The following FER variants were observed in gnomAD, a reference collection of about 807,000 sequenced individuals.
FER encodes the protein FER tyrosine kinase, also known as tyrosine-protein kinase Fer.
In FER, 63 loss-of-function variants were observed where a neutral mutation model predicts 111.0. That is an observed-to-expected ratio of 0.57 (90% CI 0.46 to 0.70). The LOEUF (loss-of-function observed/expected upper bound fraction) is 0.70, where lower values mean the gene tolerates loss of function less well. Ranked by LOEUF, FER falls within the 30% of genes least tolerant of loss-of-function variation. FER has a pLI of 0.00. For missense variants in FER, 914 were observed against 954.0 expected (o/e 0.96, Z 0.55); for synonymous variants, 327 against 313.9 (o/e 1.04, Z -0.44).
At chr5:109,095,394 G>A (rs1316686471) in intron 16 of FER, among the ~76,000 whole-genome samples, 1 of 151,974 alleles carries the variant, frequency 6.6e-6, no homozygotes, top group Non-Finnish European at 1.5e-5. Flanking sequence ...CAGACCTAAT[G>A]TTTCAGTTTG....
At chr5:108,861,792 A>T (rs1210859282) in intron 5 of FER, among the ~76,000 whole-genome samples, 1 of 152,154 alleles carries the variant, frequency 6.6e-6, no homozygotes, top group African/African-American at 2.4e-5. Context: ...GAATTTTAAA[A>T]TTTTTATTTG....
At chr5:108,757,367 G>A (rs981917445) in intron 1 of FER, among the ~76,000 whole-genome samples, 5 of 152,040 alleles carry the variant, frequency 3.3e-5, no homozygotes, top group African/African-American at 1.2e-4. Flanking sequence ...GTTATAACAT[G>A]TTTCTTTGTA....
At chr5:109,033,735 C>A (rs969594120) in intron 13 of FER, among the ~76,000 whole-genome samples, 1 of 152,136 alleles carries the variant, frequency 6.6e-6, no homozygotes, top group African/African-American at 2.4e-5. Flanking sequence ...ATCAACACTT[C>A]TGCAGACTAT....
intron 3 of FER, among the ~76,000 whole-genome samples, chr5:108,820,840 C>G (rs144545631): frequency 1.6e-4 from 25 of 152,280 alleles, no homozygotes; most frequent in African/African-American, 5.3e-4. Flanking sequence ...ATAACAGAGT[C>G]TTAGGCCAGG....
At chr5:108,858,595 T>C (rs777781566) in intron 5 of FER, among the ~76,000 whole-genome samples, 1 of 152,158 alleles carries the variant, frequency 6.6e-6, no homozygotes, top group African/African-American at 2.4e-5. Flanking sequence ...TGTGAAACTT[T>C]AGTGATTCCA....
chr5:109,060,426 T>A (rs987553023), intron 16 of FER, among the ~76,000 whole-genome samples: 1 of 152,050 alleles, frequency 6.6e-6, no homozygotes, highest in Non-Finnish European at 1.5e-5. Context: ...AGTTTCCTTA[T>A]CTGTAAAATA....
At chr5:108,925,189 T>C (rs1160774864) in intron 10 of FER, among the ~76,000 whole-genome samples, 1 of 151,450 alleles carries the variant, frequency 6.6e-6, no homozygotes, top group Non-Finnish European at 1.5e-5. Context: ...AAAGATGATA[T>C]TAAGATTTCT....
intron 16 of FER, among the ~76,000 whole-genome samples, chr5:109,082,556 C>G (rs902585502): frequency 6.6e-6 from 1 of 151,904 alleles, no homozygotes; most frequent in South Asian, 2.1e-4. Flanking sequence ...TATGACAGCA[C>G]GTGTAAACTA....
intron 13 of FER, among the ~76,000 whole-genome samples, chr5:108,976,410 G>A (rs1175633268): frequency 6.6e-6 from 1 of 152,024 alleles, no homozygotes; most frequent in Non-Finnish European, 1.5e-5. Flanking sequence ...TCTCATCAAG[G>A]TTTTCTAAGG....
intron 4 of FER, among the ~76,000 whole-genome samples, chr5:108,833,505 A>G (rs1760268482): frequency 6.8e-6 from 1 of 147,380 alleles, no homozygotes; most frequent in East Asian, 1.9e-4. Context: ...TTTTTTTTAC[A>G]TTGGATCATT....
In FER at chr5:109,149,802, G is replaced by A. The variant is rs142272307; in HGVS notation, c.2049-30945G>A. 1.6e-3 allele frequency among the ~76,000 whole-genome samples: 241 copies of A among 152,238 alleles called. 3 individuals are homozygous for A. The highest frequency in any genetic ancestry group is 5.5e-3 in the African/African-American group (230 of 41,560). ...AGTAAACATGAATTGAAAAAGTTCCGTTACTTCACAGAACTCAGAAGTGAA... is the reference window on the plus strand; with the variant it reads ...AGTAAACATGAATTGAAAAAGTTCCATTACTTCACAGAACTCAGAAGTGAA... On this transcript the variant is annotated intron_variant, in intron 17 of 19. Coordinates refer to ENST00000281092, the MANE Select transcript of FER (RefSeq NM_005246.4).
intron 9 of FER, among the ~76,000 whole-genome samples, chr5:108,884,429 A>G (rs970158956): frequency 6.6e-6 from 1 of 151,910 alleles, no homozygotes; most frequent in African/African-American, 2.4e-5. Flanking sequence ...TAGAGTTCCA[A>G]ACCCACCCAA....
chr5:109,007,524 A>G (rs552169502), intron 13 of FER, among the ~76,000 whole-genome samples: 2 of 152,310 alleles, frequency 1.3e-5, no homozygotes, highest in Non-Finnish European at 2.9e-5. Flanking sequence ...GGAATCGTAC[A>G]GTATGTGCTC....
At chr5:109,026,823 C>A (rs144258889) in intron 13 of FER, among the ~76,000 whole-genome samples, 1 of 152,000 alleles carries the variant, frequency 6.6e-6, no homozygotes, top group Non-Finnish European at 1.5e-5. Context: ...GGATTACAGG[C>A]GCCCGCCACC....
intron 16 of FER, chr5:109,052,465 G>A: frequency 1.8e-6 from 2 of 1,106,166 alleles, no homozygotes; most frequent in Non-Finnish European, 2.8e-6. Flanking sequence ...CATGTTGCCT[G>A]GGCACCACTC....
At chr5:108,913,110 T>C (rs1315326830) in intron 10 of FER, among the ~76,000 whole-genome samples, 27 of 152,144 alleles carry the variant, frequency 1.8e-4, no homozygotes, top group Admixed American at 1.8e-3. Flanking sequence ...GATGAGAGTA[T>C]TGAGAATGTA....
intron 3 of FER, among the ~76,000 whole-genome samples, chr5:108,829,074 T>C (rs1004844040): frequency 3.3e-5 from 5 of 152,248 alleles, no homozygotes; most frequent in African/African-American, 9.6e-5. Flanking sequence ...AATATAGAAA[T>C]GTAGCTTTAC....
intron 17 of FER, among the ~76,000 whole-genome samples, chr5:109,116,518 A>C (rs140817943): frequency 3.0e-3 from 457 of 152,234 alleles, no homozygotes; most frequent in Middle Eastern, 0.014. Flanking sequence ...ATGTCATCTA[A>C]AATGTTAAGG....
intron 16 of FER, among the ~76,000 whole-genome samples, chr5:109,074,216 T>A (rs1225083047): frequency 3.3e-5 from 5 of 152,260 alleles, no homozygotes; most frequent in Non-Finnish European, 7.4e-5. Context: ...AGTTTACAAA[T>A]AAGGAAACTG....
Sources: gnomAD v4.1 joint callset for allele counts (sites outside exome capture counted in the v4.1 genomes callset) on GRCh38, gnomAD v4.1.1 for gene constraint, MANE v1.5 for transcripts, NCBI Gene and HGNC (gene_info 2026-07-23, HGNC 2026-07-21) for gene names.